Variants in FAM151B observed in about 807,000 individuals in gnomAD.
FAM151B encodes the protein protein FAM151B.
A neutral mutation model predicts 31.2 loss-of-function variants in FAM151B; 24 were observed. The ratio of observed to expected loss-of-function variants is 0.77; its 90% CI spans 0.56 to 1.08. The LOEUF is 1.08. Among genes scored for constraint, FAM151B ranks in the 50% least tolerant of loss-of-function variants. FAM151B has a pLI of 0.00. For missense variants in FAM151B, 293 were observed against 328.6 expected (o/e 0.89, Z 0.84); for synonymous variants, 105 against 111.4 (o/e 0.94, Z 0.36).
chr5:80,497,939 A>T lies in FAM151B; in HGVS notation c.26-3853A>T, dbSNP rs531163122. ...CACATGTACCCTAGAACTTAAATAA[A>T]AAATAAATAAATAAATAAAAAGTGC... On this transcript the variant is annotated intron_variant, in intron 1 of 5. Coordinates refer to ENST00000282226, the MANE Select transcript of FAM151B (RefSeq NM_205548.3). Among the ~76,000 whole-genome samples the T allele has an allele frequency of 5.8e-4, 88 of 152,306 alleles. No individual in the cohort carries two copies. In the South Asian group the frequency reaches 8.9e-3, roughly 15 times the overall value.
At chr5:80,537,129 A>G (rs1431954388) in intron 5 of FAM151B, among the ~76,000 whole-genome samples, 1 of 152,232 alleles carries the variant, frequency 6.6e-6, no homozygotes, top group African/African-American at 2.4e-5. Flanking sequence ...TGCCTACATC[A>G]AAACATCTCA....
At chr5:80,495,699 G>A (rs546003941) in intron 1 of FAM151B, among the ~76,000 whole-genome samples, 10 of 151,868 alleles carry the variant, frequency 6.6e-5, no homozygotes, top group African/African-American at 1.2e-4. Flanking sequence ...GCGTGGTGGC[G>A]GACGCCTGTA....
At chr5:80,495,447 G>C (rs1435628971) in intron 1 of FAM151B, among the ~76,000 whole-genome samples, 3 of 152,118 alleles carry the variant, frequency 2.0e-5, no homozygotes, top group Admixed American at 1.3e-4. Context: ...AACATTAACA[G>C]GAGTTTGGAA....
chr5:80,488,188 G>A, intron 1 of FAM151B, 40 bp downstream of exon 1: 1 of 1,524,870 alleles, frequency 6.6e-7, no homozygotes, highest in South Asian at 1.2e-5. Context: ...GAGGTGGGGC[G>A]CTTTGAGAGG....
Position 80,533,441 on chromosome 5 carries a change from T to C in FAM151B, c.672-8232T>C, listed in dbSNP as rs1014410533. 1.0e-3 allele frequency among the ~76,000 whole-genome samples: 152 copies of C among 146,464 alleles called. 2 individuals are homozygous for C. The highest frequency in any genetic ancestry group is 9.9e-3 in the Admixed American group (144 of 14,606). ...AAGAGCAAACCAAACCCAAAATTAG[T>C]AGAAGAAAATAAATAATAAAGATCA... is the stretch of plus-strand genomic sequence containing the variant. On this transcript the variant is annotated intron_variant, in intron 5 of 5. Transcript: ENST00000282226.
chr5:80,541,908 T>G lies in FAM151B; in HGVS notation c.*76T>G. 2.1e-6 allele frequency: 3 copies of G among 1,407,876 alleles called. No individual in the cohort carries two copies. Among genetic ancestry groups the G allele is most frequent in the Non-Finnish European group, 2.9e-6 (3 of 1,038,648 alleles). 87.2% of individuals were successfully genotyped at this position (1,407,876 alleles called of 1,614,324 possible). The stretch of plus-strand genomic sequence containing the variant: ...CCATTGGTCTGAATTAATTACCATA[T>G]AAATTATGGTTATTGATTGACGTTC... On this transcript the variant is annotated 3_prime_UTR_variant, in exon 6 of 6. Transcript: ENST00000282226.
intron 1 of FAM151B, 32 bp from the exon 2 acceptor site, chr5:80,501,760 T>C (rs1743756880): frequency 2.6e-6 from 4 of 1,535,054 alleles, no homozygotes; most frequent in Non-Finnish European, 3.5e-6. Flanking sequence ...TAAAAAACAA[T>C]ATCACTTTTC....
intron 5 of FAM151B, among the ~76,000 whole-genome samples, chr5:80,535,103 A>G (rs1745431669): frequency 2.0e-5 from 3 of 152,220 alleles, no homozygotes; most frequent in Non-Finnish European, 4.4e-5. Flanking sequence ...ACTGAAGAGG[A>G]CACCCCAAAA....
intron 2 of FAM151B, among the ~76,000 whole-genome samples, chr5:80,503,830 G>A (rs1260486708): frequency 1.3e-5 from 2 of 152,070 alleles, no homozygotes; most frequent in Non-Finnish European, 2.9e-5. Context: ...TCCTGTGGGT[G>A]AGGCAACGTA....
At chr5:80,500,801 G>C (rs1293895736) in intron 1 of FAM151B, 2 of 1,493,090 alleles carry the variant, frequency 1.3e-6, no homozygotes, top group Non-Finnish European at 1.8e-6. Flanking sequence ...TACAAGCGTG[G>C]TTATGGCAAA....
chr5:80,513,543 G>T, intron 2 of FAM151B, 61 bp from the exon 3 acceptor site: 2 of 1,462,534 alleles, frequency 1.4e-6, no homozygotes, highest in Non-Finnish European at 1.9e-6. Flanking sequence ...TGAACATGGT[G>T]CCTCCTGTAG....
At position 80,515,010 on chromosome 5, in the gene FAM151B, C is replaced by T. The variant is rs183352555; in HGVS notation, c.317+1241C>T. On this transcript the variant is annotated intron_variant, in intron 3 of 5. Transcript: ENST00000282226. ...ATCCCAGCACTTTGGGAGGCCAAGG[C>T]GGGTGGATCACCTGAGGTTAGGAGT... Among the ~76,000 whole-genome samples the T allele has an allele frequency of 4.0e-3, 602 of 152,024 alleles. 5 individuals carry two copies. The highest frequency in any genetic ancestry group is 0.013 in the African/African-American group (528 of 41,484).
chr5:80,516,904 G>T (rs1224555022), intron 3 of FAM151B, among the ~76,000 whole-genome samples: 1 of 152,194 alleles, frequency 6.6e-6, no homozygotes. Flanking sequence ...GTCTAAAAGT[G>T]TTAAATGGAA....
intron 5 of FAM151B, among the ~76,000 whole-genome samples, chr5:80,538,424 CTT>C (rs777639725): frequency 1.3e-3 from 71 of 54,474 alleles, no homozygotes; most frequent in African/African-American, 6.2e-3. Context: ...TTCTTTCTTT[CTT>C]TCTTTCTTTC....
intron 5 of FAM151B, among the ~76,000 whole-genome samples, chr5:80,528,606 A>C (rs1329372928): frequency 1.3e-5 from 2 of 152,082 alleles, no homozygotes; most frequent in Non-Finnish European, 2.9e-5. Context: ...ACACAAAAAA[A>C]ATTAGCTGGG....
intron 1 of FAM151B, among the ~76,000 whole-genome samples, chr5:80,493,000 T>A (rs931481389): frequency 6.6e-6 from 1 of 152,128 alleles, no homozygotes; most frequent in Non-Finnish European, 1.5e-5. Flanking sequence ...TTAAGCTTAG[T>A]GAGAAAAGCA....
intron 1 of FAM151B, chr5:80,501,274 C>T: frequency 3.7e-6 from 2 of 543,272 alleles, no homozygotes; most frequent in South Asian, 3.5e-5. Context: ...CCCACCTCAG[C>T]CTCCCAAAGT....
intron 5 of FAM151B, among the ~76,000 whole-genome samples, chr5:80,538,455 TTTC>T (rs1745669342): frequency 5.0e-5 from 3 of 59,620 alleles, no homozygotes; most frequent in African/African-American, 1.8e-4. Flanking sequence ...TTTCTCTTTC[TTTC>T]TTTCTTTCTT....
intron 2 of FAM151B, among the ~76,000 whole-genome samples, chr5:80,504,461 AT>A (rs201095593): frequency 6.3e-5 from 8 of 127,516 alleles, no homozygotes; most frequent in African/African-American, 2.4e-4. Context: ...CCATTTACTG[AT>A]TTTTTTTCTA....
Sources: gnomAD v4.1 joint callset for allele counts (sites outside exome capture counted in the v4.1 genomes callset) on GRCh38, gnomAD v4.1.1 for gene constraint, MANE v1.5 for transcripts, NCBI Gene and HGNC (gene_info 2026-07-23, HGNC 2026-07-21) for gene names.